Variants in PCDHGA8 observed in about 807,000 individuals in gnomAD.
PCDHGA8 encodes the protein protocadherin gamma-A8.
PCDHGA8 carries 45 observed loss-of-function variants against 59.2 expected under a neutral mutation model. The observed-to-expected ratio is 0.76, with a 90% CI of 0.60 to 0.98. PCDHGA8 has a LOEUF of 0.98. Among genes scored for constraint, PCDHGA8 ranks in the 50% least tolerant of loss-of-function variants. The pLI is 0.00. For missense variants in PCDHGA8, 1,257 were observed against 1,196.2 expected (o/e 1.05, Z -0.75); for synonymous variants, 531 against 519.0 (o/e 1.02, Z -0.32).
chr5:141,412,847 A>G (rs1206334568), intron 1 of PCDHGA8: 1 of 213,282 alleles, frequency 4.7e-6, no homozygotes, highest in Non-Finnish European at 9.1e-6. Flanking sequence ...AGGAGTGGAG[A>G]AACCAAAGAA....
intron 1 of PCDHGA8, chr5:141,433,227 T>C (rs1178649427): frequency 6.5e-6 from 10 of 1,528,034 alleles, no homozygotes; most frequent in Non-Finnish European, 8.9e-6. Context: ...TTTTAATTGC[T>C]CTGTCTCCCA....
intron 2 of PCDHGA8, 117 bp downstream of exon 2, chr5:141,494,982 G>C: frequency 6.4e-7 from 1 of 1,563,940 alleles, no homozygotes; most frequent in Non-Finnish European, 8.7e-7. Context: ...CTCAGTTTGA[G>C]ATCCCAGGGA....
At position 141,476,638 on chromosome 5, in the gene PCDHGA8, G is replaced by A. The variant is rs997136356; in HGVS notation, c.2425-18169G>A. On this transcript the variant is annotated intron_variant, in intron 1 of 3. Transcript: ENST00000398604. This position sits in a 1 kb window ranked among gnomAD's most constrained non-coding sequence, Gnocchi z 7.6. ...GCAACTCTTTACAAACCTATGAGCT[G>A]AGCCGAAATGAATACTTTGCGCTTC... 1.9e-6 allele frequency: 3 copies of A among 1,614,268 alleles called. No homozygotes were observed. Among genetic ancestry groups the A allele is most frequent in the Middle Eastern group, 1.6e-4 (1 of 6,062 alleles).
In PCDHGA8 at chr5:141,431,932, C is replaced by A; in HGVS notation, c.2424+36695C>A. 1 of 1,614,172 alleles carries A rather than the reference C, an allele frequency of 6.2e-7. No homozygotes were observed. Among genetic ancestry groups the A allele is most frequent in the Non-Finnish European group, 8.5e-7 (1 of 1,180,002 alleles). The stretch of plus-strand genomic sequence containing the variant: ...TCTGTTTCATCCAAGGAAATCTGCC[C>A]TTTAAATTAGAAAAATCTTACGGAA... On this transcript the variant is annotated intron_variant, in intron 1 of 3. Transcript: ENST00000398604. The surrounding 1 kb of genome is among the most constrained non-coding windows in gnomAD (Gnocchi z 4.8).
intron 1 of PCDHGA8, chr5:141,400,157 C>G (rs778405500): frequency 3.7e-6 from 6 of 1,614,050 alleles, no homozygotes; most frequent in African/African-American, 1.3e-5. Context: ...CGCCCTGTAC[C>G]CTCTGACCCC....
At chr5:141,468,487 G>A (rs945439990) in intron 1 of PCDHGA8, 6 of 152,110 alleles carry the variant, frequency 3.9e-5, no homozygotes, top group African/African-American at 1.4e-4. Context: ...TAGGTCTCAT[G>A]GAAGATTTTC....
At chr5:141,498,551 C>T (rs749191535) in intron 2 of PCDHGA8, among the ~76,000 whole-genome samples, 2 of 151,950 alleles carry the variant, frequency 1.3e-5, no homozygotes, top group Non-Finnish European at 2.9e-5. Context: ...GTCAGACACA[C>T]CAGCTTCAAA....
Position 141,432,124 on chromosome 5 carries a change from C to G in PCDHGA8, c.2424+36887C>G, listed in dbSNP as rs1286909667. On this transcript the variant is annotated intron_variant, in intron 1 of 3. Transcript: ENST00000398604. The surrounding 1 kb of genome is among the most constrained non-coding windows in gnomAD (Gnocchi z 6.0). ...ACAACCCGCCGGTCTTCCCTCAGGC[C>G]TCCTATTCCGCTTATATCCCAGAGA... 6.2e-7 allele frequency: 1 copy of G among 1,614,156 alleles called. No homozygotes were observed. The highest frequency in any genetic ancestry group is 1.1e-5 in the South Asian group (1 of 91,066).
chr5:141,471,047 T>C (rs1270779800), intron 1 of PCDHGA8, among the ~76,000 whole-genome samples: 3 of 63,666 alleles, frequency 4.7e-5, no homozygotes. Flanking sequence ...CCAAGCCCTC[T>C]TTTTTTTTTT....
chr5:141,438,641 C>CAT (rs2098042490), intron 1 of PCDHGA8, among the ~76,000 whole-genome samples: 2 of 79,354 alleles, frequency 2.5e-5, no homozygotes, highest in Non-Finnish European at 4.5e-5. Context: ...TATATACACA[C>CAT]ACACACACAC....
chr5:141,450,937 A>G (rs1011608521), intron 1 of PCDHGA8, among the ~76,000 whole-genome samples: 1 of 148,134 alleles, frequency 6.8e-6, no homozygotes, highest in African/African-American at 2.5e-5. Flanking sequence ...CAATTCTCCT[A>G]CCTCAGCCTC....
At chr5:141,492,447 T>G (rs920078908) in intron 1 of PCDHGA8, among the ~76,000 whole-genome samples, 13 of 152,300 alleles carry the variant, frequency 8.5e-5, no homozygotes, top group Middle Eastern at 3.4e-3. Context: ...CGTAGCTGAT[T>G]GTGCGCGCCT....
rs769351399 is a variant in PCDHGA8, at chr5:141,432,649, A to G, written c.2424+37412A>G. The G allele has an allele frequency of 6.2e-7, 1 of 1,613,742 alleles. No homozygotes were observed. The highest frequency in any genetic ancestry group is 1.1e-5 in the South Asian group (1 of 91,054). ...ACACGGGCGAGGTGCGCACGGCGCG[A>G]GCCCTGCTGGACAGAGACGCGCTCA... is the stretch of plus-strand genomic sequence containing the variant. On this transcript the variant is annotated intron_variant, in intron 1 of 3. Coordinates refer to ENST00000398604, the MANE Select transcript of PCDHGA8 (RefSeq NM_032088.2). The surrounding 1 kb of genome is among the most constrained non-coding windows in gnomAD (Gnocchi z 6.0).
intron 1 of PCDHGA8, chr5:141,423,962 C>A: frequency 1.7e-6 from 2 of 1,168,402 alleles, no homozygotes; most frequent in South Asian, 4.2e-5. Context: ...TATTATTTTT[C>A]TATTATCAGT....
chr5:141,485,993 A>C lies in PCDHGA8; in HGVS notation c.2425-8814A>C. 6.2e-7 allele frequency: 1 copy of C among 1,614,210 alleles called. No homozygotes were observed. Among genetic ancestry groups the C allele is most frequent in the Non-Finnish European group, 8.5e-7 (1 of 1,180,028 alleles). On this transcript the variant is annotated intron_variant, in intron 1 of 3. Coordinates refer to ENST00000398604, the MANE Select transcript of PCDHGA8 (RefSeq NM_032088.2). The surrounding 1 kb of genome is among the most constrained non-coding windows in gnomAD (Gnocchi z 5.7). ...TGCCTCAGACCCGGACCTGGGTCCC[A>C]GTGGTAACGTCACCTTTTATTTCAG...
intron 1 of PCDHGA8, chr5:141,419,183 A>G (rs1453963573): frequency 1.9e-6 from 3 of 1,613,958 alleles, no homozygotes; most frequent in Non-Finnish European, 1.7e-6. Context: ...AACCCTGCAC[A>G]TTACTGACGT....
chr5:141,449,147 G>T (rs2098630156), intron 1 of PCDHGA8, among the ~76,000 whole-genome samples: 1 of 152,110 alleles, frequency 6.6e-6, no homozygotes, highest in African/African-American at 2.4e-5. Flanking sequence ...AAATTGCTGG[G>T]TCAAAGAGGA....
At chr5:141,423,497 A>G in intron 1 of PCDHGA8, 4 of 1,613,940 alleles carry the variant, frequency 2.5e-6, no homozygotes, top group Non-Finnish European at 3.4e-6. Flanking sequence ...TATTCCCACG[A>G]GGTCTCTCTC....
intron 1 of PCDHGA8, chr5:141,400,023 C>T (rs755667675): frequency 1.1e-5 from 18 of 1,612,872 alleles, no homozygotes; most frequent in Non-Finnish European, 1.3e-5. Context: ...GCGACAGGGA[C>T]GCGGCCCGCC....
Sources: allele counts gnomAD v4.1 joint callset (sites outside exome capture counted in the v4.1 genomes callset), GRCh38; gene constraint gnomAD v4.1.1; non-coding constraint Gnocchi (gnomAD v3.1); transcripts MANE v1.5; gene names NCBI Gene and HGNC (gene_info 2026-07-23, HGNC 2026-07-21).